The following ITPR2 variants were observed in gnomAD, a reference collection of about 807,000 sequenced individuals.
The protein encoded by ITPR2 is inositol 1,4,5-trisphosphate receptor type 2, also known as inositol 1,4,5-trisphosphate-gated calcium channel ITPR2.
In ITPR2, 207 loss-of-function variants were observed where a neutral mutation model predicts 317.1. The ratio of observed to expected loss-of-function variants is 0.65; its 90% CI spans 0.58 to 0.73. The LOEUF (loss-of-function observed/expected upper bound fraction) is 0.73. Ranked by LOEUF, ITPR2 falls within the 30% of genes least tolerant of loss-of-function variation. The pLI is 0.00. For missense variants in ITPR2, 2,613 were observed against 3,284.0 expected (o/e 0.80, Z 4.99); for synonymous variants, 1,156 against 1,149.1 (o/e 1.01, Z -0.12).
chr12:26,481,079 T>C (rs1942534878), intron 43 of ITPR2, 52 bp downstream of exon 43: 4 of 985,392 alleles, frequency 4.1e-6, no homozygotes, highest in Non-Finnish European at 6.3e-6. Flanking sequence ...TGCTTGAAGA[T>C]TGTACTATAG....
chr12:26,663,769 A>G lies in ITPR2; in HGVS notation c.1629T>C (p.Asp543=). The G allele has an allele frequency of 6.2e-7, 1 of 1,614,072 alleles. No individual in the cohort carries two copies. The highest frequency in any genetic ancestry group is 8.5e-7 in the Non-Finnish European group (1 of 1,179,994). ...GSMLRLEDLG[D]QRYAPYKYML... ...TGTACTTGTAGGGTGCATATCTTTG[A>G]TCCCCCAGATCTTCAAGTCTCAGCA... Residue 543 remains aspartate, a synonymous_variant, in exon 15 of 57, where the codon GAT becomes GAC. Transcript: ENST00000381340.
chr12:26,411,381 A>G lies in ITPR2; in HGVS notation c.7338T>C (p.Thr2446=). Residue 2446 remains threonine (T), a synonymous_variant, in exon 52 of 57, where the codon ACT becomes ACC. Coordinates refer to ENST00000381340, the MANE Select transcript of ITPR2 (RefSeq NM_002223.4). ...CCTTGGCACATGCTTCCATCATGGT[A>G]GTTAAAGTCATAGTAGGCACTTGAT... ...GSHQVPTMTL[T]TMMEACAKEN... is the part of the protein sequence containing the mutation. 1.2e-6 allele frequency: 2 copies of G among 1,613,558 alleles called. No individual in the cohort carries two copies. Among genetic ancestry groups the G allele is most frequent in the Middle Eastern group, 1.7e-4 (1 of 6,054 alleles).
chr12:26,582,904 G>C (rs1173930770), intron 32 of ITPR2, among the ~76,000 whole-genome samples: 2 of 152,164 alleles, frequency 1.3e-5, no homozygotes, highest in Non-Finnish European at 2.9e-5. Flanking sequence ...GAGTGGAAGA[G>C]AAAGAAGTCA....
chr12:26,761,802 A>T (rs1475143443), intron 2 of ITPR2, among the ~76,000 whole-genome samples: 2 of 152,232 alleles, frequency 1.3e-5, no homozygotes, highest in Non-Finnish European at 2.9e-5. Context: ...GTCTCTAAAA[A>T]AGAAGTTCAG....
intron 32 of ITPR2, among the ~76,000 whole-genome samples, chr12:26,581,803 A>G (rs1392158944): frequency 6.6e-6 from 1 of 152,190 alleles, no homozygotes; most frequent in Non-Finnish European, 1.5e-5. Flanking sequence ...TTCCTGATAC[A>G]TAGGTTAAAA....
intron 1 of ITPR2, among the ~76,000 whole-genome samples, chr12:26,795,951 C>T (rs61362603): frequency 0.21 from 31,073 of 150,204 alleles, 3,803 homozygotes; most frequent in Non-Finnish European, 0.28. Context: ...GCCACTGCAC[C>T]CCAGCTTGCG....
At position 26,361,604 on chromosome 12, in the gene ITPR2, C is replaced by T. The variant is rs566631744; in HGVS notation, c.7858-21276G>A. Among the ~76,000 whole-genome samples the T allele has an allele frequency of 3.9e-5, 6 of 152,186 alleles. No homozygotes were observed. The East Asian group carries it at 7.7e-4, about 20-fold the overall frequency. On this transcript the variant is annotated intron_variant, in intron 55 of 56. Coordinates refer to ENST00000381340, the MANE Select transcript of ITPR2 (RefSeq NM_002223.4). ...TAAGATACAGGTGGCTTTAGGGTAA[C>T]GTGATATATAAAAATGAAGTTTACA...
At chr12:26,492,942 T>A (rs1237256150) in intron 39 of ITPR2, among the ~76,000 whole-genome samples, 3 of 134,248 alleles carry the variant, frequency 2.2e-5, no homozygotes, top group Non-Finnish European at 3.3e-5. Flanking sequence ...TATATATATA[T>A]AAAAGCATCA....
intron 44 of ITPR2, among the ~76,000 whole-genome samples, 176 bp downstream of exon 44, chr12:26,476,736 A>T (rs1000168048): frequency 4.6e-5 from 7 of 152,238 alleles, no homozygotes; most frequent in Non-Finnish European, 7.3e-5. Context: ...GGCCCAAATC[A>T]CACAGGCCTT....
In ITPR2 at chr12:26,658,165, AC is replaced by A. The variant is rs1400820798; in HGVS notation, c.1887-36del. 4.8e-6 allele frequency: 7 copies of A among 1,448,280 alleles called. No individual in the cohort carries two copies. In the East Asian group the frequency reaches 1.7e-4, roughly 35 times the overall value. 89.7% of individuals were successfully genotyped at this position (1,448,280 alleles called of 1,614,324 possible). A position where few individuals can be genotyped will look rare whatever the true frequency, so the allele number is the denominator to read the frequency against. ...GAAAAAAATTAAATGGAATATGAAG[AC>A]AAAGCATTTTATAAAAGCATCACAA... On this transcript the variant is annotated intron_variant, in intron 16 of 56. Transcript: ENST00000381340.
chr12:26,411,424 CA>C lies in ITPR2; in HGVS notation c.7307-13del, dbSNP rs1346989698. ...CACTTGATGACTGCCTAAGAAAATACAAAGTAGTATATAATATAGAGTCAAA... is the reference window on the plus strand; with the variant it reads ...CACTTGATGACTGCCTAAGAAAATACAAGTAGTATATAATATAGAGTCAAA... On this transcript the variant is annotated splice_polypyrimidine_tract_variant and intron_variant, in intron 51 of 56. Transcript: ENST00000381340. 4 of 1,563,290 alleles carry C rather than the reference CA, an allele frequency of 2.6e-6. No individual in the cohort carries two copies. Among genetic ancestry groups the C allele is most frequent in the Non-Finnish European group, 3.5e-6 (4 of 1,134,644 alleles).
At chr12:26,344,789 G>C (rs1036195217) in intron 55 of ITPR2, among the ~76,000 whole-genome samples, 2 of 152,352 alleles carry the variant, frequency 1.3e-5, no homozygotes, top group Admixed American at 1.3e-4. Flanking sequence ...GGAACATATA[G>C]TTCATAGGTG....
chr12:26,386,014 T>C (rs765259162), intron 55 of ITPR2, among the ~76,000 whole-genome samples: 1 of 152,122 alleles, frequency 6.6e-6, no homozygotes, highest in Non-Finnish European at 1.5e-5. Context: ...CATCTATTCA[T>C]CCAAGGCATA....
chr12:26,476,881 A>T, intron 44 of ITPR2, 31 bp downstream of exon 44: 1 of 1,497,344 alleles, frequency 6.7e-7, no homozygotes, highest in Non-Finnish European at 9.3e-7. Flanking sequence ...AGGCTACCCA[A>T]TATTGACCAA....
chr12:26,775,727 G>T (rs1334050625), intron 2 of ITPR2, among the ~76,000 whole-genome samples: 1 of 151,816 alleles, frequency 6.6e-6, no homozygotes, highest in Non-Finnish European at 1.5e-5. Context: ...TATAAAGCAA[G>T]TAGAAAAACT....
At chr12:26,542,581 TAAC>T (rs1944291558) in intron 37 of ITPR2, among the ~76,000 whole-genome samples, 1 of 152,266 alleles carries the variant, frequency 6.6e-6, no homozygotes, top group Admixed American at 6.5e-5. Flanking sequence ...TGTCTGATAA[TAAC>T]AATGTCACAC....
At position 26,599,189 on chromosome 12, in the gene ITPR2, C is replaced by G. The variant is rs753988145; in HGVS notation, c.3958G>C (p.Asp1320His). 5.0e-6 allele frequency: 8 copies of G among 1,613,986 alleles called. No homozygotes were observed. In the Admixed American group the frequency reaches 6.7e-5, roughly 13 times the overall value. Residue 1320 changes from aspartate (D) to histidine (H), a missense_variant, in exon 30 of 57, where the codon GAT becomes CAT. Asp to His is a moderately conservative substitution (Grantham distance 81, BLOSUM62 -1). Coordinates refer to ENST00000381340, the MANE Select transcript of ITPR2 (RefSeq NM_002223.4). ...TGGCATTTCTTCACATATTTACCAT[C>G]TGCTTTTACAATTGTTTGCAAAAAC... ...LRFLQTIVKADGKYVKKCQDM... is the reference protein window; with the variant it reads ...LRFLQTIVKAHGKYVKKCQDM...
chr12:26,510,949 T>TA (rs543492668), intron 37 of ITPR2, among the ~76,000 whole-genome samples: 1 of 152,180 alleles, frequency 6.6e-6, no homozygotes, highest in Non-Finnish European at 1.5e-5. Flanking sequence ...AAGTTGTTGG[T>TA]AAAAAATCAC....
intron 36 of ITPR2, 28 bp downstream of exon 36, chr12:26,556,205 A>T (rs1314719684): frequency 1.9e-6 from 3 of 1,609,576 alleles, no homozygotes; most frequent in Non-Finnish European, 2.5e-6. Flanking sequence ...TGACGACACT[A>T]GCAGAATCTC....
Sources: allele counts gnomAD v4.1 joint callset (sites outside exome capture counted in the v4.1 genomes callset), GRCh38; gene constraint gnomAD v4.1.1; transcripts MANE v1.5; gene names NCBI Gene and HGNC (gene_info 2026-07-23, HGNC 2026-07-21).